RPIA: variants seen among roughly 807,000 people sequenced by gnomAD.
The protein encoded by RPIA is ribose-5-phosphate isomerase.
A neutral mutation model predicts 37.8 loss-of-function variants in RPIA; 29 were observed. The observed-to-expected ratio is 0.77, with a 90% confidence interval of 0.57 to 1.05. RPIA has a LOEUF of 1.05. Ranked by LOEUF, RPIA falls within the 50% of genes least tolerant of loss-of-function variation. The pLI, the probability that RPIA is intolerant of heterozygous loss-of-function variation, is 0.00. For synonymous variants in RPIA, 167 were observed against 157.0 expected, an observed-to-expected ratio of 1.06 and a Z score of -0.48; for missense variants, 385 against 413.6, an observed-to-expected ratio of 0.93 and a Z score of 0.60.
intron 8 of RPIA, among the ~76,000 whole-genome samples, chr2:88,744,091 G>A (rs1673413511): frequency 6.6e-6 from 1 of 152,094 alleles, no homozygotes; most frequent in Non-Finnish European, 1.5e-5. Flanking sequence ...TCCTTGAAGT[G>A]TAACCTCAGA....
chr2:88,719,578 C>G (rs2104107942), intron 3 of RPIA, among the ~76,000 whole-genome samples: 1 of 152,142 alleles, frequency 6.6e-6, no homozygotes, highest in East Asian at 1.9e-4. Flanking sequence ...AAAAGAGGAT[C>G]ACAGGTCATT....
chr2:88,742,076 T>C (rs1462116942), intron 8 of RPIA, among the ~76,000 whole-genome samples: 1 of 152,222 alleles, frequency 6.6e-6, no homozygotes, highest in Non-Finnish European at 1.5e-5. Context: ...CACCTACTTA[T>C]CTTTGTTTTT....
At chr2:88,734,679 A>T in intron 5 of RPIA, 63 bp downstream of exon 5, 10 of 1,526,982 alleles carry the variant, frequency 6.5e-6, no homozygotes, top group Non-Finnish European at 9.1e-6. Context: ...GCAAAGCAAG[A>T]TGGATACAGA....
intron 3 of RPIA, among the ~76,000 whole-genome samples, chr2:88,725,406 G>A (rs951733826): frequency 1.3e-5 from 2 of 151,794 alleles, no homozygotes; most frequent in Admixed American, 6.6e-5. Flanking sequence ...TGAGATGAAG[G>A]TGTTGGCAGA....
intron 3 of RPIA, among the ~76,000 whole-genome samples, chr2:88,728,244 G>A (rs1227832860): frequency 6.6e-6 from 1 of 152,022 alleles, no homozygotes; most frequent in Non-Finnish European, 1.5e-5. Context: ...ATATTTTTTA[G>A]TTTGTTTGAA....
At position 88,749,037 on chromosome 2, in the gene RPIA, A is replaced by T. The variant is rs574923170; in HGVS notation, c.839-944A>T. On this transcript the variant is annotated intron_variant, in intron 8 of 8. Transcript: ENST00000283646. ...GCATGAGCCACCATACCCAGCCTCT[A>T]TTCTACTCTTGATGGACATTTGGGT... Among the ~76,000 whole-genome samples, 8 of 152,336 alleles carry T rather than the reference A, an allele frequency of 5.3e-5. No homozygotes were observed. In the South Asian group the frequency reaches 1.7e-3, roughly 32 times the overall value.
At chr2:88,698,701 C>T (rs1489834371) in intron 2 of RPIA, among the ~76,000 whole-genome samples, 157 bp downstream of exon 2, 1 of 152,192 alleles carries the variant, frequency 6.6e-6, no homozygotes, top group Non-Finnish European at 1.5e-5. Context: ...TTGAGTGTTT[C>T]TGCTCTTTTG....
chr2:88,706,017 T>G (rs1198955209), intron 3 of RPIA, among the ~76,000 whole-genome samples: 1 of 152,164 alleles, frequency 6.6e-6, no homozygotes, highest in East Asian at 1.9e-4. Context: ...TACCATCTCA[T>G]GCTGGTCAGA....
chr2:88,748,951 CAGCTCCATCTGG>C (rs1018975729), intron 8 of RPIA, among the ~76,000 whole-genome samples: 35 of 152,192 alleles, frequency 2.3e-4, no homozygotes, highest in Non-Finnish European at 4.6e-4. Flanking sequence ...TGGGCTCCAT[CAGCTCCATCTGG>C]AGCTCCATTG....
At chr2:88,721,582 C>A (rs896538750) in intron 3 of RPIA, among the ~76,000 whole-genome samples, 4 of 127,268 alleles carry the variant, frequency 3.1e-5, no homozygotes, top group Non-Finnish European at 5.0e-5. Flanking sequence ...CCCCCCCCCC[C>A]ACATGCACAC....
chr2:88,699,249 T>TA (rs746032849), intron 2 of RPIA, among the ~76,000 whole-genome samples: 6 of 152,292 alleles, frequency 3.9e-5, no homozygotes, highest in Non-Finnish European at 7.4e-5. Flanking sequence ...GCTTTTGTGT[T>TA]ATATACCTTT....
intron 3 of RPIA, among the ~76,000 whole-genome samples, chr2:88,721,052 C>A (rs1385310759): frequency 1.3e-5 from 2 of 152,120 alleles, no homozygotes; most frequent in South Asian, 4.1e-4. Context: ...AGGATGAGTT[C>A]ATGTCCTTTG....
chr2:88,727,838 G>A (rs335114), intron 3 of RPIA, among the ~76,000 whole-genome samples: 117,710 of 152,204 alleles, frequency 0.77, 45,981 homozygotes, highest in African/African-American at 0.88. Flanking sequence ...ATTTCTCTTT[G>A]ATAAGTTCAA....
At chr2:88,733,145 G>A (rs1442479604) in intron 4 of RPIA, among the ~76,000 whole-genome samples, 2 of 152,194 alleles carry the variant, frequency 1.3e-5, no homozygotes, top group African/African-American at 4.8e-5. Context: ...AGGTGGCAGG[G>A]GCAGGAGAGA....
rs12052474 is a variant in RPIA, at chr2:88,700,323, C to T, written c.402+259C>T. ...GCAGAGATGGCCCGGTAGTCTCTCT[C>T]CTCAAGGAATATTACTCCTATTTAT... On this transcript the variant is annotated intron_variant, in intron 3 of 8. Transcript: ENST00000283646. Among the ~76,000 whole-genome samples the T allele has an allele frequency of 2.2e-4, 33 of 152,254 alleles. No homozygotes were observed. In the East Asian group the frequency reaches 6.2e-3, roughly 28 times the overall value.
At chr2:88,701,927 A>G (rs545520366) in intron 3 of RPIA, among the ~76,000 whole-genome samples, 1 of 152,356 alleles carries the variant, frequency 6.6e-6, no homozygotes, top group South Asian at 2.1e-4. Context: ...TAGAAAGATA[A>G]TCAACAATAT....
intron 8 of RPIA, among the ~76,000 whole-genome samples, chr2:88,743,128 G>T (rs775701020): frequency 6.6e-6 from 1 of 152,128 alleles, no homozygotes; most frequent in African/African-American, 2.4e-5. Flanking sequence ...TTCTCAGGGG[G>T]AATGCTTTCA....
chr2:88,722,847 T>G (rs1318736053), intron 3 of RPIA, among the ~76,000 whole-genome samples: 2 of 152,048 alleles, frequency 1.3e-5, no homozygotes, highest in Non-Finnish European at 2.9e-5. Flanking sequence ...TTTAAAGGGG[T>G]TCAACTCATT....
chr2:88,702,639 C>T (rs1672846006), intron 3 of RPIA, among the ~76,000 whole-genome samples: 2 of 152,174 alleles, frequency 1.3e-5, no homozygotes, highest in Non-Finnish European at 2.9e-5. Flanking sequence ...AGGTCACTCC[C>T]ACAACACATG....
Sources: gnomAD v4.1 joint callset for allele counts (sites outside exome capture counted in the v4.1 genomes callset) on GRCh38, gnomAD v4.1.1 for gene constraint, MANE v1.5 for transcripts, NCBI Gene and HGNC (gene_info 2026-07-23, HGNC 2026-07-21) for gene names.